The following TGFA variants were observed in gnomAD, a reference collection of about 807,000 sequenced individuals.
The protein encoded by TGFA is protransforming growth factor alpha.
TGFA carries 12 observed loss-of-function variants against 21.7 expected under a neutral mutation model. That is an observed-to-expected ratio of 0.55 (90% CI 0.35 to 0.90). The LOEUF (loss-of-function observed/expected upper bound fraction) is 0.90, where lower values mean the gene tolerates loss of function less well. Among genes scored for constraint, TGFA ranks in the 40% least tolerant of loss-of-function variants. The pLI is 0.01. For missense variants in TGFA, 178 were observed against 210.8 expected (o/e 0.84, Z 0.96); for synonymous variants, 79 against 88.1 (o/e 0.90, Z 0.58).
chr2:70,548,069 A>T (rs1223872372), intron 1 of TGFA, among the ~76,000 whole-genome samples: 4 of 150,712 alleles, frequency 2.7e-5, no homozygotes, highest in Non-Finnish European at 5.9e-5. Context: ...TCTATTTTTT[A>T]AAACAATAAA....
intron 1 of TGFA, among the ~76,000 whole-genome samples, chr2:70,532,208 G>A (rs1473139314): frequency 5.9e-5 from 9 of 152,166 alleles, no homozygotes; most frequent in Non-Finnish European, 1.0e-4. Flanking sequence ...TGAAAGCGAC[G>A]AAACCATTTA....
intron 1 of TGFA, among the ~76,000 whole-genome samples, chr2:70,541,155 C>T (rs1673121665): frequency 6.6e-6 from 1 of 152,136 alleles, no homozygotes; most frequent in South Asian, 2.1e-4. Context: ...AACTCAGTGG[C>T]AAGAATTTTC....
At chr2:70,460,382 T>TAA (rs67107612) in intron 3 of TGFA, among the ~76,000 whole-genome samples, 33,979 of 150,718 alleles carry the variant, frequency 0.23, 4,598 homozygotes, top group East Asian at 0.39. Context: ...ATACTTTTTT[T>TAA]AAAAAAAAAA....
intron 1 of TGFA, among the ~76,000 whole-genome samples, chr2:70,549,986 C>T (rs1264821474): frequency 6.6e-6 from 1 of 152,150 alleles, no homozygotes; most frequent in Non-Finnish European, 1.5e-5. Flanking sequence ...AAACATGTGT[C>T]CTAGGAAAAC....
chr2:70,456,539 C>A, intron 3 of TGFA, 51 bp from the exon 4 acceptor site: 1 of 1,543,098 alleles, frequency 6.5e-7, no homozygotes, highest in East Asian at 2.4e-5. Flanking sequence ...GGTCTTGTTA[C>A]CCTAGCTCTC....
At chr2:70,520,235 G>A (rs1553502078) in intron 1 of TGFA, among the ~76,000 whole-genome samples, 1 of 152,112 alleles carries the variant, frequency 6.6e-6, no homozygotes, top group East Asian at 1.9e-4. Flanking sequence ...TTTTACTTGA[G>A]GCCCCGGGGT....
intron 2 of TGFA, among the ~76,000 whole-genome samples, chr2:70,478,130 C>G (rs1670993272): frequency 6.6e-6 from 1 of 152,198 alleles, no homozygotes; most frequent in African/African-American, 2.4e-5. Context: ...CTGGAGGGAT[C>G]AGGTCGACCT....
intron 2 of TGFA, among the ~76,000 whole-genome samples, chr2:70,497,240 C>T (rs1056487969): frequency 6.6e-6 from 1 of 152,216 alleles, no homozygotes; most frequent in African/African-American, 2.4e-5. Context: ...TTGGACTTTA[C>T]TCTGAGAGTA....
In TGFA at chr2:70,447,982, C is replaced by T. The variant is rs138417771; in HGVS notation, c.*2877G>A. 1 of 152,258 alleles carries T rather than the reference C, an allele frequency of 6.6e-6. No individual in the cohort carries two copies. The highest frequency in any genetic ancestry group is 1.5e-5 in the Non-Finnish European group (1 of 68,040). The allele number at this position is 152,258 out of a possible 1,614,324, so 9.4% of individuals were successfully genotyped here. A position where few individuals can be genotyped will look rare whatever the true frequency, so the allele number is the denominator to read the frequency against. On this transcript the variant is annotated 3_prime_UTR_variant, in exon 6 of 6. Coordinates refer to ENST00000295400, the MANE Select transcript of TGFA (RefSeq NM_003236.4). ...GGCAGTTTTCTGTACCTGCAAAACA[C>T]AATCCCTTGAGAAGCTCCAGAAGCA... is the stretch of plus-strand genomic sequence containing the variant.
intron 2 of TGFA, among the ~76,000 whole-genome samples, chr2:70,490,186 C>T (rs1424499556): frequency 6.6e-6 from 1 of 152,162 alleles, no homozygotes; most frequent in East Asian, 1.9e-4. Context: ...TTATAAACAA[C>T]TGTAGCAAAA....
At chr2:70,473,549 GAAC>G (rs1336831576) in intron 2 of TGFA, among the ~76,000 whole-genome samples, 6 of 151,894 alleles carry the variant, frequency 4.0e-5, no homozygotes, top group South Asian at 2.1e-4. Context: ...GCAGGCAGAA[GAAC>G]AAGAGGGTTT....
intron 2 of TGFA, among the ~76,000 whole-genome samples, chr2:70,482,884 G>A (rs1407019650): frequency 6.6e-6 from 1 of 152,168 alleles, no homozygotes; most frequent in Non-Finnish European, 1.5e-5. Context: ...ACACCCAGGA[G>A]TCCCCCTTCT....
intron 1 of TGFA, among the ~76,000 whole-genome samples, chr2:70,518,648 G>A (rs1480278497): frequency 2.0e-5 from 3 of 152,178 alleles, no homozygotes; most frequent in Admixed American, 1.3e-4. Context: ...AATCAGGCAT[G>A]GGACTAGCAA....
At chr2:70,464,663 A>G (rs1553491907) in intron 3 of TGFA, among the ~76,000 whole-genome samples, 1 of 152,176 alleles carries the variant, frequency 6.6e-6, no homozygotes, top group East Asian at 1.9e-4. Context: ...AGGTCCCCCT[A>G]ATAGTATTCT....
chr2:70,537,082 T>A (rs1672993853), intron 1 of TGFA, among the ~76,000 whole-genome samples: 1 of 151,880 alleles, frequency 6.6e-6, no homozygotes, highest in Non-Finnish European at 1.5e-5. Flanking sequence ...CACATTTTGG[T>A]AATAATCACA....
chr2:70,551,063 G>A (rs1241215065), intron 1 of TGFA, among the ~76,000 whole-genome samples: 1 of 113,846 alleles, frequency 8.8e-6, no homozygotes, highest in Non-Finnish European at 2.0e-5. Flanking sequence ...GGGGCCCAAA[G>A]TAACAACAAC....
intron 2 of TGFA, among the ~76,000 whole-genome samples, chr2:70,501,731 T>C (rs1268594078): frequency 2.0e-5 from 3 of 152,242 alleles, no homozygotes; most frequent in Non-Finnish European, 4.4e-5. Context: ...TCCATCTTTA[T>C]ACATTTCTAA....
rs1365108898 is a variant in TGFA at position 70,448,514 on chromosome 2, TTGAAA to T, written c.*2340_*2344del. 6.6e-6 allele frequency: 1 copy of T among 152,310 alleles called. No individual in the cohort carries two copies. The highest frequency in any genetic ancestry group is 2.4e-5 in the African/African-American group (1 of 41,562). 9.4% of individuals were successfully genotyped at this position (152,310 alleles called of 1,614,324 possible). On this transcript the variant is annotated 3_prime_UTR_variant, in exon 6 of 6. Coordinates refer to ENST00000295400, the MANE Select transcript of TGFA (RefSeq NM_003236.4). Reference sequence around the variant, plus strand: ...ATGGATTAGAAGATGCATTTTTAACTTGAAATGGAGTATTTTTGCAGCTAACCAAA... The same window carrying T: ...ATGGATTAGAAGATGCATTTTTAACTTGGAGTATTTTTGCAGCTAACCAAA...
intron 2 of TGFA, 106 bp from the exon 3 acceptor site, chr2:70,465,842 CTT>C: frequency 6.6e-7 from 1 of 1,512,364 alleles, no homozygotes; most frequent in Non-Finnish European, 8.9e-7. Flanking sequence ...ATGGCTGGGA[CTT>C]TGGGTTCTCA....
Sources: gnomAD v4.1 joint callset for allele counts (sites outside exome capture counted in the v4.1 genomes callset) on GRCh38, gnomAD v4.1.1 for gene constraint, MANE v1.5 for transcripts, NCBI Gene and HGNC (gene_info 2026-07-23, HGNC 2026-07-21) for gene names.